The following TRHDE variants were observed in gnomAD, a reference collection of about 807,000 sequenced individuals.
TRHDE encodes thyrotropin releasing hormone degrading enzyme.
In TRHDE, 72 loss-of-function variants were observed where a neutral mutation model predicts 125.7. The observed-to-expected ratio is 0.57, with a 90% CI of 0.47 to 0.70. The LOEUF is 0.70. TRHDE is among the 30% of genes least tolerant of loss of function. The probability of loss-of-function intolerance (pLI) is 0.00; values close to 1 mark genes in which losing one functional copy is unlikely to be tolerated. For synonymous variants in TRHDE, 509 were observed against 509.1 expected, an observed-to-expected ratio of 1.00 and a Z score of 0.00; for missense variants, 1,110 against 1,327.1, an observed-to-expected ratio of 0.84 and a Z score of 2.54.
chr12:72,372,520 T>C (rs1163294554), intron 2 of TRHDE, among the ~76,000 whole-genome samples: 1 of 152,236 alleles, frequency 6.6e-6, no homozygotes, highest in Non-Finnish European at 1.5e-5. Context: ...TTTATGGTTT[T>C]AGGTCTAACG....
At chr12:72,337,701 A>C (rs996850234) in intron 2 of TRHDE, among the ~76,000 whole-genome samples, 1 of 151,944 alleles carries the variant, frequency 6.6e-6, no homozygotes, top group Non-Finnish European at 1.5e-5. Context: ...AAACTGCTTG[A>C]GTCAGACGAG....
chr12:72,632,102 TG>T (rs1873522388), intron 15 of TRHDE, among the ~76,000 whole-genome samples: 2 of 151,922 alleles, frequency 1.3e-5, no homozygotes, highest in African/African-American at 4.8e-5. Context: ...TATAATCCAG[TG>T]GGGCTTTCAT....
intron 3 of TRHDE, among the ~76,000 whole-genome samples, chr12:72,400,052 T>TA (rs1237089982): frequency 6.6e-6 from 1 of 152,156 alleles, no homozygotes; most frequent in Non-Finnish European, 1.5e-5. Context: ...TATGATTTGT[T>TA]ATATTCTTTT....
At chr12:72,110,446 T>G (rs1283342380) in intron 2 of TRHDE, among the ~76,000 whole-genome samples, 2 of 152,162 alleles carry the variant, frequency 1.3e-5, no homozygotes, top group East Asian at 3.9e-4. Flanking sequence ...GCCCCACATT[T>G]CTTCTCAAAG....
intron 1 of TRHDE, among the ~76,000 whole-genome samples, chr12:72,103,204 T>A (rs1875108300): frequency 6.6e-6 from 1 of 152,226 alleles, no homozygotes; most frequent in African/African-American, 2.4e-5. Context: ...GATAAAAGTG[T>A]CTTGGTTTGA....
intron 2 of TRHDE, among the ~76,000 whole-genome samples, chr12:72,121,742 G>A (rs1164275215): frequency 1.9e-5 from 1 of 51,722 alleles, no homozygotes; most frequent in Non-Finnish European, 3.9e-5. Context: ...TTTTTTTTTT[G>A]ATGTGGATAG....
rs78942407 is a variant in TRHDE at position 72,645,332 on chromosome 12, T to C, written c.2676-6990T>C. ...ACAATAACGTAACTGAAAAATTTAC[T>C]GTTAATAGAAGGGTTAAACAGCAGA... is the stretch of plus-strand genomic sequence containing the variant. On this transcript the variant is annotated intron_variant, in intron 15 of 18. Transcript: ENST00000261180. Among the ~76,000 whole-genome samples the C allele has an allele frequency of 3.4e-3, 517 of 152,304 alleles. 3 individuals are homozygous for C. The highest frequency in any genetic ancestry group is 0.012 in the African/African-American group (507 of 41,572).
chr12:72,313,995 G>A (rs1868669809), intron 2 of TRHDE, among the ~76,000 whole-genome samples: 1 of 152,148 alleles, frequency 6.6e-6, no homozygotes. Context: ...CTGGGAGCAA[G>A]GAAAGCCTAT....
At chr12:72,604,429 G>A (rs1016588400) in intron 12 of TRHDE, among the ~76,000 whole-genome samples, 5 of 133,224 alleles carry the variant, frequency 3.8e-5, no homozygotes, top group African/African-American at 1.7e-4. Context: ...TTAGGTTTCT[G>A]CTTCTTAATA....
intron 18 of TRHDE, among the ~76,000 whole-genome samples, chr12:72,659,600 T>G (rs1228512071): frequency 6.6e-6 from 1 of 152,328 alleles, no homozygotes; most frequent in African/African-American, 2.4e-5. Context: ...ATTTATCTTA[T>G]GATGTTGATA....
intron 2 of TRHDE, among the ~76,000 whole-genome samples, chr12:72,131,328 TC>T (rs1875860635): frequency 6.6e-6 from 1 of 152,016 alleles, no homozygotes; most frequent in Admixed American, 6.6e-5. Flanking sequence ...CGCCTCGGCC[TC>T]CCAAAGTGCT....
At chr12:72,395,462 G>T (rs1872752417) in intron 3 of TRHDE, among the ~76,000 whole-genome samples, 1 of 151,854 alleles carries the variant, frequency 6.6e-6, no homozygotes, top group Admixed American at 6.6e-5. Flanking sequence ...TCCTATCTTT[G>T]TAGCCTTGTT....
intron 3 of TRHDE, among the ~76,000 whole-genome samples, chr12:72,408,066 C>A (rs577229538): frequency 6.6e-6 from 1 of 152,286 alleles, no homozygotes; most frequent in South Asian, 2.1e-4. Flanking sequence ...TGCATTATAA[C>A]ACAGCAGAAG....
intron 2 of TRHDE, among the ~76,000 whole-genome samples, chr12:72,365,756 T>G (rs1871315544): frequency 6.6e-6 from 1 of 152,140 alleles, no homozygotes; most frequent in Admixed American, 6.6e-5. Context: ...ATATATTAGC[T>G]TCCCATTGCA....
At chr12:72,197,571 T>C (rs1877469792) in intron 2 of TRHDE, among the ~76,000 whole-genome samples, 1 of 152,160 alleles carries the variant, frequency 6.6e-6, no homozygotes, top group South Asian at 2.1e-4. Flanking sequence ...GGACTTAAGG[T>C]AAAATCTGAA....
At chr12:72,219,106 C>A (rs1477759054) in intron 2 of TRHDE, among the ~76,000 whole-genome samples, 1 of 151,162 alleles carries the variant, frequency 6.6e-6, no homozygotes, top group Non-Finnish European at 1.5e-5. Flanking sequence ...CTAGTTTCTT[C>A]TTATTAAAAT....
chr12:72,251,349 C>G lies in TRHDE; in HGVS notation n.280-126646C>G, dbSNP rs115345832. Among the ~76,000 whole-genome samples the G allele has an allele frequency of 2.6e-3, 398 of 151,724 alleles. 3 individuals carry two copies. Among genetic ancestry groups the G allele is most frequent in the African/African-American group, 9.3e-3 (385 of 41,386 alleles). Reference sequence around the variant, plus strand: ...CTGGAAACCACTAATCATTTTCCCACTTCTGTAATTTTATCATTTAATAAA... The same window carrying G: ...CTGGAAACCACTAATCATTTTCCCAGTTCTGTAATTTTATCATTTAATAAA... On this transcript the variant is annotated intron_variant and non_coding_transcript_variant, in intron 2 of 4. Transcript: ENST00000548156.
At position 72,132,684 on chromosome 12, in the gene TRHDE, T is replaced by C. The variant is rs111861365; in HGVS notation, n.279+26932T>C. Among the ~76,000 whole-genome samples the C allele has an allele frequency of 2.9e-3, 444 of 152,264 alleles. 3 individuals carry two copies. Among genetic ancestry groups the C allele is most frequent in the African/African-American group, 1.0e-2 (414 of 41,542 alleles). ...AGGTGATTGTTTATTTCAATAAGTA[T>C]TTATGGATGCATTCACATGCCAGCT... On this transcript the variant is annotated intron_variant and non_coding_transcript_variant, in intron 2 of 4. Transcript: ENST00000548156.
At chr12:72,465,427 G>T (rs943830339) in intron 3 of TRHDE, among the ~76,000 whole-genome samples, 2 of 152,112 alleles carry the variant, frequency 1.3e-5, no homozygotes, top group Admixed American at 1.3e-4. Context: ...CTATAGATTA[G>T]TTTGCATTTT....
Sources: allele counts gnomAD v4.1 joint callset (sites outside exome capture counted in the v4.1 genomes callset), GRCh38; gene constraint gnomAD v4.1.1; transcripts MANE v1.5; gene names NCBI Gene and HGNC (gene_info 2026-07-23, HGNC 2026-07-21).